The following HEATR5A variants were observed in gnomAD, a reference collection of about 807,000 sequenced individuals.
The protein encoded by HEATR5A is HEAT repeat-containing protein 5A.
In HEATR5A, 178 loss-of-function variants were observed where a neutral mutation model predicts 218.8. The observed-to-expected ratio is 0.81, with a 90% CI of 0.72 to 0.92. The LOEUF (loss-of-function observed/expected upper bound fraction) is 0.92. Among genes scored for constraint, HEATR5A ranks in the 40% least tolerant of loss-of-function variants. The pLI is 0.00. For synonymous variants in HEATR5A, 864 were observed against 871.6 expected (o/e 0.99, Z 0.15); for missense variants, 2,420 against 2,418.9 (o/e 1.00, Z -0.01).
At chr14:31,299,062 C>T (rs570339323) in intron 33 of HEATR5A, among the ~76,000 whole-genome samples, 1 of 152,116 alleles carries the variant, frequency 6.6e-6, no homozygotes. Flanking sequence ...TGATTTTGGT[C>T]CTCTTCTTGC....
Position 31,306,935 on chromosome 14 carries a change from A to T in HEATR5A, c.4819-56T>A. The T allele has an allele frequency of 3.7e-6, 5 of 1,352,468 alleles. No individual in the cohort carries two copies. The South Asian group carries it at 7.7e-5, about 21-fold the overall frequency. 83.8% of individuals were successfully genotyped at this position (1,352,468 alleles called of 1,614,324 possible). A position where few individuals can be genotyped will look rare whatever the true frequency, so the allele number is the denominator to read the frequency against. On this transcript the variant is annotated intron_variant, in intron 30 of 35. Transcript: ENST00000543095. The stretch of plus-strand genomic sequence containing the variant: ...ATTAGAAATTATACATTTCTTTTGT[A>T]AAAAATACCAATGCTAAATGCCATG...
chr14:31,353,185 T>C (rs766343911), intron 16 of HEATR5A, among the ~76,000 whole-genome samples: 1 of 152,078 alleles, frequency 6.6e-6, no homozygotes, highest in Non-Finnish European at 1.5e-5. Context: ...CTTTTCTCCC[T>C]TAGACATATG....
intron 15 of HEATR5A, 31 bp downstream of exon 15, chr14:31,358,863 G>C (rs1901516316): frequency 6.2e-7 from 1 of 1,606,896 alleles, no homozygotes. Context: ...ATCACAGATT[G>C]AATCTAATCA....
At chr14:31,411,567 T>C (rs147305674) in intron 1 of HEATR5A, among the ~76,000 whole-genome samples, 23 of 152,316 alleles carry the variant, frequency 1.5e-4, no homozygotes, top group Middle Eastern at 3.4e-3. Flanking sequence ...GAAATCCAAG[T>C]TGAAATGGTT....
chr14:31,359,985 C>T (rs79208719), intron 14 of HEATR5A, among the ~76,000 whole-genome samples: 3,202 of 151,564 alleles, frequency 0.021, 52 homozygotes, highest in Non-Finnish European at 0.032. Flanking sequence ...AATATTTCAC[C>T]GTGTATCATT....
At position 31,387,333 on chromosome 14, in the gene HEATR5A, C is replaced by G; in HGVS notation, c.976G>C (p.Glu326Gln). 6.2e-7 allele frequency: 1 copy of G among 1,613,848 alleles called. No homozygotes were observed. Among genetic ancestry groups the G allele is most frequent in the East Asian group, 2.2e-5 (1 of 44,888 alleles). ...GAAAAAAAGGCAGCAAAATTTTTCT[C>G]TAGCCAAGCTCCTCCTAGTGTTGAA... ...FVSTLGGAWL[E>Q]KNFAAFFSHI... The change falls in exon 8 of 36, where the codon GAG becomes CAG. Residue 326 changes from glutamate (E) to glutamine (Q), a missense_variant. Glu to Gln is a conservative substitution (Grantham distance 29). Transcript: ENST00000543095.
At position 31,383,757 on chromosome 14, in the gene HEATR5A, T is replaced by A; in HGVS notation, c.1360A>T (p.Ile454Phe). 1.2e-6 allele frequency: 2 copies of A among 1,613,258 alleles called. No homozygotes were observed. The highest frequency in any genetic ancestry group is 1.7e-6 in the Non-Finnish European group (2 of 1,179,618). The change falls in exon 10 of 36, where the codon ATC (isoleucine) becomes TTC (phenylalanine). Residue 454 changes from isoleucine to phenylalanine, a missense_variant. Ile to Phe is a conservative substitution (Grantham distance 21). Coordinates refer to ENST00000543095, the MANE Select transcript of HEATR5A (RefSeq NM_015473.4). ...QDSSTGLLDS[I>F]LSVILHPSIS... is the part of the protein sequence containing the mutation. ...CTAGGATGAAGAATAACTGACAAGA[T>A]ACTGTCAAGGAGACCTGGAAGGATA... is the stretch of plus-strand genomic sequence containing the variant.
Position 31,292,136 on chromosome 14 carries a change from C to T in HEATR5A, c.*1169G>A, listed in dbSNP as rs1317673876. 2.0e-5 allele frequency: 3 copies of T among 152,024 alleles called. No individual in the cohort carries two copies. The highest frequency in any genetic ancestry group is 7.2e-5 in the African/African-American group (3 of 41,402). 9.4% of individuals were successfully genotyped at this position (152,024 alleles called of 1,614,324 possible). A position where few individuals can be genotyped will look rare whatever the true frequency, so the allele number is the denominator to read the frequency against. On this transcript the variant is annotated 3_prime_UTR_variant, in exon 36 of 36. Coordinates refer to ENST00000543095, the MANE Select transcript of HEATR5A (RefSeq NM_015473.4). Reference sequence around the variant, plus strand: ...TCTTTTTTCTATAATAAAATGTTTCCTGTTAAAAAAAATACTTGTATTCAC... The same window carrying T: ...TCTTTTTTCTATAATAAAATGTTTCTTGTTAAAAAAAATACTTGTATTCAC...
intron 1 of HEATR5A, among the ~76,000 whole-genome samples, chr14:31,415,486 G>T (rs1595193502): frequency 6.6e-6 from 1 of 152,260 alleles, no homozygotes; most frequent in East Asian, 1.9e-4. Flanking sequence ...CATACGATGG[G>T]ATAATGACTG....
intron 10 of HEATR5A, 36 bp downstream of exon 10, chr14:31,383,485 C>T (rs1180211805): frequency 6.4e-7 from 1 of 1,556,578 alleles, no homozygotes; most frequent in Non-Finnish European, 8.7e-7. Context: ...TAACAAAAAG[C>T]ACCTCATTAT....
intron 18 of HEATR5A, 105 bp downstream of exon 18, chr14:31,349,684 C>T: frequency 1.4e-6 from 1 of 728,796 alleles, no homozygotes. Context: ...TTTTTCTTTT[C>T]TTAGTTAAAT....
chr14:31,366,594 C>T (rs867369894), intron 13 of HEATR5A, among the ~76,000 whole-genome samples: 38 of 152,036 alleles, frequency 2.5e-4, no homozygotes, highest in Admixed American at 5.9e-4. Flanking sequence ...GATTATAGTC[C>T]CTGCAGGGCC....
chr14:31,334,476 G>A (rs1187604622), intron 22 of HEATR5A: 1 of 455,644 alleles, frequency 2.2e-6, no homozygotes, highest in Non-Finnish European at 4.4e-6. Flanking sequence ...TTACAACAAA[G>A]GATTCAGAAT....
chr14:31,308,506 TAA>T (rs34745602), intron 29 of HEATR5A, among the ~76,000 whole-genome samples: 13 of 125,898 alleles, frequency 1.0e-4, no homozygotes, highest in South Asian at 2.6e-4. Context: ...AAACTCTGTC[TAA>T]AAAAAAAAAA....
In HEATR5A at chr14:31,376,959, C is replaced by CA. The variant is rs946841805; in HGVS notation, c.1709-1992dup. 2.0e-5 allele frequency among the ~76,000 whole-genome samples: 3 copies of CA among 151,398 alleles called. No individual in the cohort carries two copies. The South Asian group carries it at 6.3e-4, about 32-fold the overall frequency. ...GGGAAACAGCAAGATCCCATCTCTACAAAAAAAATTTAAAAATTAGCTGAG... is the reference window on the plus strand; with the variant it reads ...GGGAAACAGCAAGATCCCATCTCTACAAAAAAAAATTTAAAAATTAGCTGAG... On this transcript the variant is annotated intron_variant, in intron 11 of 35. Transcript: ENST00000543095.
At chr14:31,399,778 C>T (rs1381420689) in intron 3 of HEATR5A, among the ~76,000 whole-genome samples, 1 of 152,024 alleles carries the variant, frequency 6.6e-6, no homozygotes, top group Non-Finnish European at 1.5e-5. Flanking sequence ...TGCAGTGAGT[C>T]GAGATCACGC....
intron 3 of HEATR5A, among the ~76,000 whole-genome samples, chr14:31,399,679 A>T (rs561262707): frequency 6.6e-6 from 1 of 152,062 alleles, no homozygotes; most frequent in Non-Finnish European, 1.5e-5. Context: ...AAAATACAAA[A>T]ATTAGCTCGA....
In HEATR5A at chr14:31,302,297, G is replaced by A; in HGVS notation, c.5462C>T (p.Pro1821Leu). The stretch of plus-strand genomic sequence containing the variant: ...TGCTTCCAAATAGCCTCAATTACCT[G>A]GATCCCAACAGTCAAGAATTGTTGT... ...ALTTILDCWD[P>L]VDETHQELDE... Residue 1821 changes from proline to leucine, a missense_variant and splice_region_variant, in exon 33 of 36, where the codon CCA (proline) becomes CTA (leucine). Coordinates refer to ENST00000543095, the MANE Select transcript of HEATR5A (RefSeq NM_015473.4). 6.3e-7 allele frequency: 1 copy of A among 1,583,968 alleles called. No homozygotes were observed.
intron 14 of HEATR5A, among the ~76,000 whole-genome samples, chr14:31,361,480 A>C (rs1226885180): frequency 2.6e-5 from 4 of 152,288 alleles, no homozygotes; most frequent in Admixed American, 6.5e-5. Context: ...CAGCAAAATA[A>C]TTCTGTTGGT....
Sources: allele counts gnomAD v4.1 joint callset (sites outside exome capture counted in the v4.1 genomes callset), GRCh38; gene constraint gnomAD v4.1.1; transcripts MANE v1.5; gene names NCBI Gene and HGNC (gene_info 2026-07-23, HGNC 2026-07-21).